The following MAGI1 variants were observed in gnomAD, a reference collection of about 807,000 sequenced individuals.
The protein encoded by MAGI1 is membrane associated guanylate kinase, WW and PDZ domain containing 1, also known as membrane-associated guanylate kinase, WW and PDZ domain-containing protein 1.
Under a neutral mutation model 139.9 loss-of-function variants are expected in MAGI1, and 58 were observed. The observed-to-expected ratio is 0.41, with a 90% CI of 0.34 to 0.52. The LOEUF is 0.52. Ranked by LOEUF, MAGI1 falls within the 20% of genes least tolerant of loss-of-function variation. MAGI1 has a pLI of 0.12. For missense variants in MAGI1, 1,874 were observed against 1,901.6 expected (o/e 0.99, Z 0.27); for synonymous variants, 812 against 737.9 (o/e 1.10, Z -1.63).
intron 13 of MAGI1, among the ~76,000 whole-genome samples, chr3:65,400,388 C>A (rs1038088159): frequency 6.6e-6 from 1 of 152,172 alleles, no homozygotes; most frequent in African/African-American, 2.4e-5. Flanking sequence ...TGCTGCCAGG[C>A]TTGGAGACAG....
At chr3:65,754,744 G>A (rs186833760) in intron 1 of MAGI1, among the ~76,000 whole-genome samples, 283 of 152,264 alleles carry the variant, frequency 1.9e-3, no homozygotes, top group African/African-American at 6.2e-3. Context: ...AGTTACAAAT[G>A]AACATATGGC....
intron 1 of MAGI1, among the ~76,000 whole-genome samples, chr3:65,861,414 G>A (rs923069541): frequency 2.6e-5 from 4 of 152,132 alleles, no homozygotes; most frequent in Non-Finnish European, 5.9e-5. Flanking sequence ...CTTGGAGTTT[G>A]CAATCCCTGT....
At chr3:65,909,514 G>A (rs1338619824) in intron 1 of MAGI1, among the ~76,000 whole-genome samples, 3 of 152,102 alleles carry the variant, frequency 2.0e-5, no homozygotes, top group Non-Finnish European at 4.4e-5. Context: ...CAACCTGGGT[G>A]ACAAAGCAAG....
chr3:65,428,332 A>G (rs907392727), intron 12 of MAGI1, among the ~76,000 whole-genome samples: 2 of 152,192 alleles, frequency 1.3e-5, no homozygotes, highest in Admixed American at 6.5e-5. Context: ...CTAATCACAT[A>G]TAAGTATATA....
intron 1 of MAGI1, among the ~76,000 whole-genome samples, chr3:65,891,904 A>ATATATATATG (rs2060777357): frequency 1.6e-5 from 1 of 61,366 alleles, no homozygotes; most frequent in African/African-American, 7.8e-5. Flanking sequence ...ATATATATAT[A>ATATATATATG]TATATATATA....
intron 2 of MAGI1, among the ~76,000 whole-genome samples, chr3:65,521,595 G>A (rs2078163753): frequency 6.6e-6 from 1 of 152,120 alleles, no homozygotes; most frequent in African/African-American, 2.4e-5. Flanking sequence ...CATGGACAAT[G>A]AAAACTCACT....
chr3:65,966,483 A>G (rs921137839), intron 1 of MAGI1, among the ~76,000 whole-genome samples: 4 of 152,098 alleles, frequency 2.6e-5, no homozygotes, highest in African/African-American at 9.7e-5. Context: ...GCATCTTGCG[A>G]CTGACAAAAA....
At chr3:66,034,931 G>A (rs55917103) in intron 1 of MAGI1, among the ~76,000 whole-genome samples, 11,644 of 152,120 alleles carry the variant, frequency 0.077, 657 homozygotes, top group Middle Eastern at 0.19. Flanking sequence ...AGGAACATGA[G>A]AAAAATTTCT....
rs188467421 is a variant in MAGI1, at chr3:65,877,842, C to T, written c.313+160154G>A. On this transcript the variant is annotated intron_variant, in intron 1 of 22. Coordinates refer to ENST00000402939, the MANE Select transcript of MAGI1 (RefSeq NM_001033057.2). The stretch of plus-strand genomic sequence containing the variant: ...GGAACATGGGGCCAGGCATGTGGCT[C>T]ATGTCTGTAATTCCAGCACTTTGGG... 3.9e-4 allele frequency among the ~76,000 whole-genome samples: 59 copies of T among 152,222 alleles called. No homozygotes were observed. The East Asian group carries it at 9.7e-3, about 25-fold the overall frequency.
chr3:65,493,507 C>T lies in MAGI1; in HGVS notation c.550+5G>A, dbSNP rs1363135484. ...GCTTTTTATGCTGTCGTACAAGTAA[C>T]TCACCTTCATAGGTGCCGACTTCCA... On this transcript the variant is annotated splice_donor_5th_base_variant and intron_variant, in intron 3 of 22. Coordinates refer to ENST00000402939, the MANE Select transcript of MAGI1 (RefSeq NM_001033057.2). 6.2e-7 allele frequency: 1 copy of T among 1,614,052 alleles called. No homozygotes were observed.
chr3:65,493,447 A>G, intron 3 of MAGI1, 65 bp downstream of exon 3: 5 of 1,595,120 alleles, frequency 3.1e-6, no homozygotes, highest in Non-Finnish European at 4.3e-6. Flanking sequence ...TTTTGCCTGG[A>G]TGGCTCTGGC....
At chr3:65,429,338 T>C (rs1408159137) in intron 12 of MAGI1, among the ~76,000 whole-genome samples, 182 bp downstream of exon 12, 1 of 152,122 alleles carries the variant, frequency 6.6e-6, no homozygotes, top group Non-Finnish European at 1.5e-5. Context: ...ACTGCATATG[T>C]CTGTCATAAT....
intron 16 of MAGI1, among the ~76,000 whole-genome samples, chr3:65,380,353 A>G (rs1378948828): frequency 6.6e-6 from 1 of 152,244 alleles, no homozygotes; most frequent in Non-Finnish European, 1.5e-5. Flanking sequence ...TTAATTTTGG[A>G]AAAATAAGCA....
chr3:65,850,762 G>A (rs890159071), intron 1 of MAGI1, among the ~76,000 whole-genome samples: 5 of 152,134 alleles, frequency 3.3e-5, no homozygotes, highest in African/African-American at 1.2e-4. Flanking sequence ...CCACGGCTGA[G>A]AACAGTCATT....
rs187031543 is a variant in MAGI1 at position 65,541,726 on chromosome 3, C to G, written c.431-48095G>C. On this transcript the variant is annotated intron_variant, in intron 2 of 22. Transcript: ENST00000402939. ...CCTTTGATAAAATTCTACACCCCTT[C>G]ATACTAAAAATTCTCAAAAAACTAG... is the stretch of plus-strand genomic sequence containing the variant. Among the ~76,000 whole-genome samples, 31 of 152,194 alleles carry G rather than the reference C, an allele frequency of 2.0e-4. 1 individual carries two copies. The highest frequency in any genetic ancestry group is 1.7e-3 in the Admixed American group (26 of 15,270).
rs183831822 is a variant in MAGI1 at position 65,475,590 on chromosome 3, A to C, written c.757+3002T>G. Among the ~76,000 whole-genome samples, 4 of 152,316 alleles carry C rather than the reference A, an allele frequency of 2.6e-5. No individual in the cohort carries two copies. In the East Asian group the frequency reaches 7.7e-4, roughly 29 times the overall value. ...TGTATATATCTGTGCTTTGGCCAAC[A>C]GTCTAACTCTACCTTCATTAAGCCC... On this transcript the variant is annotated intron_variant, in intron 4 of 22. Coordinates refer to ENST00000402939, the MANE Select transcript of MAGI1 (RefSeq NM_001033057.2).
In MAGI1 at chr3:65,632,632, A is replaced by G. The variant is rs149005902; in HGVS notation, c.314-10544T>C. 9.8e-4 allele frequency among the ~76,000 whole-genome samples: 150 copies of G among 152,308 alleles called. 1 individual carries two copies. The highest frequency in any genetic ancestry group is 3.4e-3 in the African/African-American group (142 of 41,562). On this transcript the variant is annotated intron_variant, in intron 1 of 22. Coordinates refer to ENST00000402939, the MANE Select transcript of MAGI1 (RefSeq NM_001033057.2). The stretch of plus-strand genomic sequence containing the variant: ...CAAAATATTTCCATAAAAAGCTAAG[A>G]TAACTATTTTCCAGCCTTGAGAGTG...
rs776340303 is a variant in MAGI1, at chr3:65,940,301, A to G, written c.313+97695T>C. ...GATGTTTTAGTCCGTTCATGTTGCT[A>G]TAACGAAATATCATAGACTGAGTCA... On this transcript the variant is annotated intron_variant, in intron 1 of 22. Coordinates refer to ENST00000402939, the MANE Select transcript of MAGI1 (RefSeq NM_001033057.2). Among the ~76,000 whole-genome samples, 10 of 152,342 alleles carry G rather than the reference A, an allele frequency of 6.6e-5. No homozygotes were observed. In the Middle Eastern group the frequency reaches 0.01, roughly 155 times the overall value.
intron 1 of MAGI1, among the ~76,000 whole-genome samples, chr3:65,848,139 A>G (rs1195921541): frequency 6.6e-6 from 1 of 152,226 alleles, no homozygotes; most frequent in Non-Finnish European, 1.5e-5. Flanking sequence ...ATTAAAAAGA[A>G]GAAGTCAGAA....
Sources: gnomAD v4.1 joint callset for allele counts (sites outside exome capture counted in the v4.1 genomes callset) on GRCh38, gnomAD v4.1.1 for gene constraint, MANE v1.5 for transcripts, NCBI Gene and HGNC (gene_info 2026-07-23, HGNC 2026-07-21) for gene names.